PPP3CA: variants seen among roughly 807,000 people sequenced by gnomAD.
PPP3CA encodes protein phosphatase 3 catalytic subunit alpha.
In PPP3CA, 14 loss-of-function variants were observed where a neutral mutation model predicts 66.5. The observed-to-expected ratio is 0.21, with a 90% CI of 0.14 to 0.33. The LOEUF is 0.33. Ranked by LOEUF, PPP3CA falls within the 10% of genes least tolerant of loss-of-function variation. The probability of loss-of-function intolerance (pLI) is 1.00; values close to 1 mark genes in which losing one functional copy is unlikely to be tolerated. For missense variants in PPP3CA, 317 were observed against 639.5 expected (o/e 0.50, Z 5.44); for synonymous variants, 232 against 226.2 (o/e 1.03, Z -0.23).
At chr4:101,214,480 A>T (rs985432034) in intron 1 of PPP3CA, among the ~76,000 whole-genome samples, 2 of 152,120 alleles carry the variant, frequency 1.3e-5, no homozygotes, top group Non-Finnish European at 2.9e-5. Context: ...CTGAGTTGTG[A>T]GTTACCAGAA....
intron 11 of PPP3CA, among the ~76,000 whole-genome samples, chr4:101,034,930 T>C (rs982590299): frequency 6.6e-6 from 1 of 152,144 alleles, no homozygotes; most frequent in Non-Finnish European, 1.5e-5. Flanking sequence ...TGAGTGATTA[T>C]AATTCCTACA....
intron 2 of PPP3CA, among the ~76,000 whole-genome samples, chr4:101,186,257 C>T (rs916873405): frequency 9.2e-5 from 14 of 151,986 alleles, no homozygotes; most frequent in Non-Finnish European, 1.9e-4. Context: ...TTAGGGTTGC[C>T]AATGAGAGGG....
At chr4:101,088,584 CAAAAAAAAAAAA>C (rs1174497803) in intron 6 of PPP3CA, among the ~76,000 whole-genome samples, 1 of 35,752 alleles carries the variant, frequency 2.8e-5, no homozygotes, top group African/African-American at 7.5e-5. Flanking sequence ...GACTCCATCT[CAAAAAAAAAAAA>C]AAAAAAAAAA....
At chr4:101,029,244 G>C (rs886523260) in intron 12 of PPP3CA, 49 bp from the exon 13 acceptor site, 1 of 1,498,782 alleles carries the variant, frequency 6.7e-7, no homozygotes, top group Non-Finnish European at 9.2e-7. Context: ...ATGAGCAGAG[G>C]ATTTTTTAAC....
intron 1 of PPP3CA, among the ~76,000 whole-genome samples, chr4:101,336,582 GAA>G (rs534710537): frequency 1.2e-3 from 117 of 98,886 alleles, no homozygotes; most frequent in African/African-American, 3.4e-3. Flanking sequence ...AAAAAAAAAT[GAA>G]AAAAAAAAAA....
At chr4:101,218,488 C>T in intron 1 of PPP3CA, among the ~76,000 whole-genome samples, 1 of 151,738 alleles carries the variant, frequency 6.6e-6, no homozygotes, top group Non-Finnish European at 1.5e-5. Context: ...TTTCCCTTTG[C>T]TTAATTTTTG....
At chr4:101,134,350 G>A (rs1722545840) in intron 2 of PPP3CA, among the ~76,000 whole-genome samples, 1 of 152,058 alleles carries the variant, frequency 6.6e-6, no homozygotes, top group South Asian at 2.1e-4. Context: ...ATCTGACAAA[G>A]GGCTAATATC....
chr4:101,104,979 C>T (rs1730595568), intron 3 of PPP3CA, among the ~76,000 whole-genome samples: 3 of 152,048 alleles, frequency 2.0e-5, no homozygotes, highest in South Asian at 2.1e-4. Flanking sequence ...TTAAATGCCC[C>T]ATAATTCCTA....
chr4:101,258,760 C>G (rs1035635657), intron 1 of PPP3CA, among the ~76,000 whole-genome samples: 3 of 152,110 alleles, frequency 2.0e-5, no homozygotes, highest in South Asian at 2.1e-4. Context: ...TGGCTCTTCT[C>G]TCAAGCTTGA....
intron 1 of PPP3CA, among the ~76,000 whole-genome samples, 189 bp from the exon 2 acceptor site, chr4:101,196,305 T>C (rs989036779): frequency 6.6e-6 from 1 of 152,226 alleles, no homozygotes; most frequent in African/African-American, 2.4e-5. Context: ...ATTCTAGATA[T>C]AATGTGATTG....
chr4:101,299,414 G>T (rs1341553665), intron 1 of PPP3CA, among the ~76,000 whole-genome samples: 1 of 151,336 alleles, frequency 6.6e-6, no homozygotes, highest in Non-Finnish European at 1.5e-5. Context: ...TAGAGACAGG[G>T]TCTCACAATG....
At position 101,201,230 on chromosome 4, in the gene PPP3CA, C is replaced by T. The variant is rs181901262; in HGVS notation, c.59-5114G>A. Reference sequence around the variant, plus strand: ...TTTACTGGACAGTGGTATTCTAGACCCTGCATCCTTCTAAGTAAATGAGAA... The same window carrying T: ...TTTACTGGACAGTGGTATTCTAGACTCTGCATCCTTCTAAGTAAATGAGAA... On this transcript the variant is annotated intron_variant, in intron 1 of 13. Transcript: ENST00000394854. Among the ~76,000 whole-genome samples the T allele has an allele frequency of 3.3e-5, 5 of 152,050 alleles. No individual in the cohort carries two copies. The East Asian group carries it at 9.6e-4, about 29-fold the overall frequency.
At chr4:101,221,376 T>A (rs1725619497) in intron 1 of PPP3CA, among the ~76,000 whole-genome samples, 1 of 151,642 alleles carries the variant, frequency 6.6e-6, no homozygotes, top group South Asian at 2.1e-4. Flanking sequence ...ATATTTTACA[T>A]CTATTTCAAA....
At chr4:101,150,608 T>A (rs1287330488) in intron 2 of PPP3CA, among the ~76,000 whole-genome samples, 1 of 152,194 alleles carries the variant, frequency 6.6e-6, no homozygotes, top group Non-Finnish European at 1.5e-5. Context: ...AATCTTTTTT[T>A]ATTTTCATTA....
intron 1 of PPP3CA, among the ~76,000 whole-genome samples, chr4:101,210,268 G>A (rs150714171): frequency 2.4e-4 from 36 of 152,112 alleles, no homozygotes; most frequent in African/African-American, 6.8e-4. Context: ...TCTATGGTCC[G>A]GCTATAATCA....
At chr4:101,258,380 G>A (rs1223242940) in intron 1 of PPP3CA, among the ~76,000 whole-genome samples, 1 of 151,990 alleles carries the variant, frequency 6.6e-6, no homozygotes, top group Non-Finnish European at 1.5e-5. Context: ...AAAGAGAAGG[G>A]CTGGACAAGA....
intron 2 of PPP3CA, among the ~76,000 whole-genome samples, chr4:101,189,368 G>A (rs1724513944): frequency 6.6e-6 from 1 of 151,908 alleles, no homozygotes; most frequent in Admixed American, 6.6e-5. Context: ...CATTTAGTAG[G>A]ATAACAGTAT....
chr4:101,155,269 C>T (rs977955409), intron 2 of PPP3CA, among the ~76,000 whole-genome samples: 5 of 152,118 alleles, frequency 3.3e-5, no homozygotes, highest in African/African-American at 9.7e-5. Context: ...CAGGTATATA[C>T]TCAATAAATG....
chr4:101,122,627 C>A (rs897752267), intron 2 of PPP3CA, among the ~76,000 whole-genome samples: 5 of 151,972 alleles, frequency 3.3e-5, no homozygotes, highest in Admixed American at 1.3e-4. Context: ...GCTGAAAGAC[C>A]TCTAGGCAGA....
Sources: gnomAD v4.1 joint callset for allele counts (sites outside exome capture counted in the v4.1 genomes callset) on GRCh38, gnomAD v4.1.1 for gene constraint, MANE v1.5 for transcripts, NCBI Gene and HGNC (gene_info 2026-07-23, HGNC 2026-07-21) for gene names.